MAGI1: variants seen among roughly 807,000 people sequenced by gnomAD.
MAGI1 encodes the protein membrane associated guanylate kinase, WW and PDZ domain containing 1.
MAGI1 carries 58 observed loss-of-function variants against 139.9 expected under a neutral mutation model. The observed-to-expected ratio is 0.41, with a 90% confidence interval of 0.34 to 0.52. The LOEUF is 0.52. MAGI1 is among the 20% of genes least tolerant of loss of function. The pLI is 0.12. For missense variants in MAGI1, 1,874 were observed against 1,901.6 expected (o/e 0.99, Z 0.27); for synonymous variants, 812 against 737.9 (o/e 1.10, Z -1.63).
At chr3:65,866,817 T>G (rs1187060391) in intron 1 of MAGI1, among the ~76,000 whole-genome samples, 1 of 151,804 alleles carries the variant, frequency 6.6e-6, no homozygotes, top group Non-Finnish European at 1.5e-5. Context: ...CAAACATAAC[T>G]TGTGGTCCCT....
chr3:65,580,324 T>C (rs559789515), intron 2 of MAGI1, among the ~76,000 whole-genome samples: 74 of 152,020 alleles, frequency 4.9e-4, no homozygotes, highest in Non-Finnish European at 4.7e-4. Flanking sequence ...TCTCCTTTTT[T>C]TTTTCTTGGC....
intron 1 of MAGI1, among the ~76,000 whole-genome samples, chr3:65,693,605 A>T (rs1345219621): frequency 6.6e-6 from 1 of 152,214 alleles, no homozygotes; most frequent in Non-Finnish European, 1.5e-5. Flanking sequence ...ACCAAAGAGG[A>T]ATCCAGGTTA....
chr3:65,401,672 G>T (rs1350966599), intron 12 of MAGI1: 2 of 1,545,220 alleles, frequency 1.3e-6, no homozygotes, highest in East Asian at 2.5e-5. Flanking sequence ...AGAGGCAGGA[G>T]ATCTATCTGC....
chr3:65,642,664 G>C (rs2085048058), intron 1 of MAGI1, among the ~76,000 whole-genome samples: 2 of 152,076 alleles, frequency 1.3e-5, no homozygotes. Flanking sequence ...CCTTTTTCTT[G>C]ATAAAAAGAA....
intron 1 of MAGI1, among the ~76,000 whole-genome samples, chr3:65,778,288 G>A (rs1251913561): frequency 1.3e-5 from 2 of 151,946 alleles, no homozygotes; most frequent in Non-Finnish European, 2.9e-5. Flanking sequence ...AAATTAGCTG[G>A]GCATGGTGGC....
chr3:65,628,674 C>T (rs1027982604), intron 1 of MAGI1, among the ~76,000 whole-genome samples: 3 of 152,156 alleles, frequency 2.0e-5, no homozygotes, highest in Non-Finnish European at 4.4e-5. Flanking sequence ...AGAAGAAATT[C>T]CCTGAAATGC....
intron 2 of MAGI1, among the ~76,000 whole-genome samples, chr3:65,583,617 G>C (rs978326827): frequency 2.0e-5 from 3 of 151,954 alleles, no homozygotes; most frequent in African/African-American, 7.3e-5. Context: ...AACAGCAACA[G>C]AAAGGAGGTT....
At chr3:65,786,471 T>TA (rs1370656645) in intron 1 of MAGI1, among the ~76,000 whole-genome samples, 2 of 151,898 alleles carry the variant, frequency 1.3e-5, no homozygotes, top group Non-Finnish European at 2.9e-5. Context: ...CACACCCAGC[T>TA]AACTTACTGT....
chr3:65,615,404 G>A lies in MAGI1; in HGVS notation c.430+6568C>T, dbSNP rs546962714. Among the ~76,000 whole-genome samples the A allele has an allele frequency of 5.3e-5, 8 of 152,262 alleles. No individual in the cohort carries two copies. In the South Asian group the frequency reaches 1.0e-3, roughly 20 times the overall value. ...TCCCCAAGAGAAGAGGAATTGTCACGGTCAGGAATGTCCAGGTCCTTCTCA... is the reference window on the plus strand; with the variant it reads ...TCCCCAAGAGAAGAGGAATTGTCACAGTCAGGAATGTCCAGGTCCTTCTCA... On this transcript the variant is annotated intron_variant, in intron 2 of 22. Coordinates refer to ENST00000402939, the MANE Select transcript of MAGI1 (RefSeq NM_001033057.2).
At chr3:66,037,521 G>C (rs1032647090) in intron 1 of MAGI1, among the ~76,000 whole-genome samples, 10 of 152,100 alleles carry the variant, frequency 6.6e-5, no homozygotes, top group African/African-American at 2.2e-4. Context: ...GAGGGGTCGC[G>C]GGGTGAAGCA....
intron 6 of MAGI1, among the ~76,000 whole-genome samples, chr3:65,448,680 T>C (rs968231199): frequency 7.9e-6 from 1 of 126,150 alleles, no homozygotes; most frequent in African/African-American, 3.0e-5. Context: ...ATTTAACTGG[T>C]TTTGTGAGAA....
chr3:65,610,914 G>T (rs6796938), intron 2 of MAGI1, among the ~76,000 whole-genome samples: 54,761 of 131,908 alleles, frequency 0.42, 12,244 homozygotes, highest in Non-Finnish European at 0.49. Context: ...ATAGTATATA[G>T]ACACTATATA....
At chr3:65,686,924 C>A (rs764183977) in intron 1 of MAGI1, among the ~76,000 whole-genome samples, 2 of 152,192 alleles carry the variant, frequency 1.3e-5, no homozygotes, top group Non-Finnish European at 2.9e-5. Flanking sequence ...CAAGGTCTTT[C>A]TGGTTTACGG....
chr3:65,410,942 A>G (rs1334600799), intron 12 of MAGI1, among the ~76,000 whole-genome samples: 2 of 152,164 alleles, frequency 1.3e-5, no homozygotes, highest in Non-Finnish European at 2.9e-5. Context: ...TAATAACAAA[A>G]TTTCTTTTTT....
At chr3:65,564,017 T>G (rs1490370906) in intron 2 of MAGI1, among the ~76,000 whole-genome samples, 1 of 152,162 alleles carries the variant, frequency 6.6e-6, no homozygotes, top group Non-Finnish European at 1.5e-5. Context: ...ACATTTAGGC[T>G]TTCATGCAAC....
chr3:65,698,180 A>T (rs2089348871), intron 1 of MAGI1, among the ~76,000 whole-genome samples: 1 of 118,806 alleles, frequency 8.4e-6, no homozygotes, highest in Non-Finnish European at 1.8e-5. Flanking sequence ...GATGTGAAGG[A>T]CCTCTTCAAG....
chr3:65,392,074 G>C (rs1333593829), intron 13 of MAGI1, among the ~76,000 whole-genome samples: 3 of 152,092 alleles, frequency 2.0e-5, no homozygotes, highest in African/African-American at 7.2e-5. Flanking sequence ...TTGACCTCTG[G>C]GGGCCAGCCT....
At chr3:65,616,568 C>T (rs2083380946) in intron 2 of MAGI1, among the ~76,000 whole-genome samples, 1 of 152,174 alleles carries the variant, frequency 6.6e-6, no homozygotes, top group Non-Finnish European at 1.5e-5. Context: ...GCTATTGTTA[C>T]TAGTCATAGT....
chr3:65,652,929 C>T (rs1264899721), intron 1 of MAGI1, among the ~76,000 whole-genome samples: 5 of 152,056 alleles, frequency 3.3e-5, no homozygotes, highest in South Asian at 2.1e-4. Flanking sequence ...ATAGTCCTGG[C>T]CTAAGTTACT....
Sources: allele counts gnomAD v4.1 joint callset (sites outside exome capture counted in the v4.1 genomes callset), GRCh38; gene constraint gnomAD v4.1.1; transcripts MANE v1.5; gene names NCBI Gene and HGNC (gene_info 2026-07-23, HGNC 2026-07-21).